KIN: variants seen among roughly 807,000 people sequenced by gnomAD.
KIN encodes the protein Kin17 DNA and RNA binding protein, also known as DNA/RNA-binding protein KIN17.
KIN carries 47 observed loss-of-function variants against 63.0 expected under a neutral mutation model. The observed-to-expected ratio is 0.75, with a 90% CI of 0.59 to 0.95. The LOEUF is 0.95. Ranked by LOEUF, KIN falls within the 40% of genes least tolerant of loss-of-function variation. The probability of loss-of-function intolerance (pLI) is 0.00; values close to 1 mark genes in which losing one functional copy is unlikely to be tolerated. For synonymous variants in KIN, 160 were observed against 157.7 expected (o/e 1.01, Z -0.11); for missense variants, 408 against 460.9 (o/e 0.89, Z 1.05).
At chr10:7,783,215 A>G in intron 1 of KIN, 40 bp from the exon 2 acceptor site, 2 of 1,142,634 alleles carry the variant, frequency 1.8e-6, no homozygotes, top group East Asian at 2.5e-5. Context: ...GATTTAGGTC[A>G]TCAAAATGGG....
intron 11 of KIN, among the ~76,000 whole-genome samples, chr10:7,761,996 G>C (rs1835444587): frequency 6.6e-6 from 1 of 151,948 alleles, no homozygotes; most frequent in Non-Finnish European, 1.5e-5. Flanking sequence ...GTGAAACTGT[G>C]TCTCAAAAAT....
intron 8 of KIN, among the ~76,000 whole-genome samples, chr10:7,768,528 CA>C (rs1417618777): frequency 2.9e-5 from 4 of 138,500 alleles, no homozygotes; most frequent in Non-Finnish European, 6.6e-5. Context: ...GTCTCAACAA[CA>C]AAAACAGCAA....
At chr10:7,775,661 T>C (rs929886022) in intron 6 of KIN, 90 bp downstream of exon 6, 5 of 637,896 alleles carry the variant, frequency 7.8e-6, no homozygotes, top group African/African-American at 7.4e-5. Context: ...CGATGTCTTA[T>C]TCTCAGATAT....
chr10:7,773,080 C>T (rs1163924853), intron 7 of KIN, among the ~76,000 whole-genome samples: 2 of 152,150 alleles, frequency 1.3e-5, no homozygotes, highest in Non-Finnish European at 2.9e-5. Context: ...TGAAGATGCT[C>T]GTCTTAAATA....
chr10:7,778,748 A>C (rs990895676), intron 5 of KIN, 90 bp downstream of exon 5: 1 of 1,382,984 alleles, frequency 7.2e-7, no homozygotes, highest in African/African-American at 1.5e-5. Context: ...CCAAAACAAC[A>C]ACAACAACAA....
chr10:7,751,917 C>G lies in KIN; in HGVS notation c.*4163G>C. On this transcript the variant is annotated 3_prime_UTR_variant, in exon 13 of 13. Coordinates refer to ENST00000379562, the MANE Select transcript of KIN (RefSeq NM_012311.4). ...GGGCGCGGTGGCGGGCGCCTGTAGT[C>G]CCAGCTACTCGGGAGGCTGAGGCAG... 2 of 1,902 alleles carry G rather than the reference C, an allele frequency of 1.1e-3. 1 individual carries two copies. The allele number at this position is 1,902 out of a possible 1,614,324, so 0.1% of individuals were successfully genotyped here. A position where few individuals can be genotyped will look rare whatever the true frequency, so the allele number is the denominator to read the frequency against.
intron 2 of KIN, among the ~76,000 whole-genome samples, chr10:7,780,561 A>G (rs1351340225): frequency 1.3e-5 from 2 of 151,812 alleles, no homozygotes; most frequent in Admixed American, 1.3e-4. Flanking sequence ...CGCCTGGCTA[A>G]TTTTGTTTCG....
chr10:7,776,298 T>G (rs1835770229), intron 5 of KIN, among the ~76,000 whole-genome samples: 1 of 149,306 alleles, frequency 6.7e-6, no homozygotes, highest in Middle Eastern at 3.5e-3. Flanking sequence ...CCTAGCACTT[T>G]GCGAGGCCAA....
rs1251675971 is a variant in KIN at position 7,755,881 on chromosome 10, A to C, written c.*199T>G. 5.1e-6 allele frequency: 2 copies of C among 390,486 alleles called. No individual in the cohort carries two copies. The highest frequency in any genetic ancestry group is 4.1e-5 in the African/African-American group (2 of 48,478). 24.2% of individuals were successfully genotyped at this position (390,486 alleles called of 1,614,324 possible). On this transcript the variant is annotated 3_prime_UTR_variant, in exon 13 of 13. Coordinates refer to ENST00000379562, the MANE Select transcript of KIN (RefSeq NM_012311.4). ...AAGGAAACAAAAATAACAAGGACAAAATTACATAGTTTGATACCTCATGAG... is the reference window on the plus strand; with the variant it reads ...AAGGAAACAAAAATAACAAGGACAACATTACATAGTTTGATACCTCATGAG...
intron 7 of KIN, 109 bp from the exon 8 acceptor site, chr10:7,769,454 G>T: frequency 9.0e-7 from 1 of 1,108,638 alleles, no homozygotes. Flanking sequence ...GTAATTTACA[G>T]GAGATTAGTG....
At chr10:7,775,301 T>C (rs774517479) in intron 6 of KIN, among the ~76,000 whole-genome samples, 1 of 152,298 alleles carries the variant, frequency 6.6e-6, no homozygotes, top group Non-Finnish European at 1.5e-5. Context: ...TGTGACACAG[T>C]TCTGGCCAAT....
Position 7,787,983 on chromosome 10 carries a change from G to A in KIN, c.-50C>T, listed in dbSNP as rs765224621. On this transcript the variant is annotated 5_prime_UTR_variant, in exon 1 of 13. Transcript: ENST00000379562. The stretch of plus-strand genomic sequence containing the variant: ...CTGGACCCCAGTACTCAGCCAGCCG[G>A]AAACGGAACCGGGCTGGCGGCGGTG... The A allele has an allele frequency of 6.8e-7, 1 of 1,467,600 alleles. No homozygotes were observed. Among genetic ancestry groups the A allele is most frequent in the Non-Finnish European group, 9.6e-7 (1 of 1,046,694 alleles). 90.9% of individuals were successfully genotyped at this position (1,467,600 alleles called of 1,614,324 possible). A position where few individuals can be genotyped will look rare whatever the true frequency, so the allele number is the denominator to read the frequency against.
rs1211499824 is a variant in KIN, at chr10:7,787,897, C to A, written c.37G>T (p.Ala13Ser). 3 of 1,614,136 alleles carry A rather than the reference C, an allele frequency of 1.9e-6. No individual in the cohort carries two copies. Among genetic ancestry groups the A allele is most frequent in the Non-Finnish European group, 2.5e-6 (3 of 1,179,952 alleles). The change falls in exon 1 of 13, where the codon GCC becomes TCC. Residue 13 changes from alanine (A) to serine (S), a missense_variant. By Grantham distance (99) the Ala-to-Ser change is moderately conservative. This residue lies in a region of KIN where 110 missense variants were observed against 164.9 expected (regional missense o/e 0.67). Transcript: ENST00000379562. ...KSDFLTPKAI[A>S]NRIKSKGLQK... ...AGCCCCTTGGACTTGATCCTGTTGGCGATAGCCTTGGGAGTAAGAAAATCC... is the reference window on the plus strand; with the variant it reads ...AGCCCCTTGGACTTGATCCTGTTGGAGATAGCCTTGGGAGTAAGAAAATCC...
At chr10:7,787,794 G>A in intron 1 of KIN, 26 bp downstream of exon 1, 1 of 1,549,950 alleles carries the variant, frequency 6.5e-7, no homozygotes. Context: ...CTCCTGGGAA[G>A]ACGGGGCCAC....
intron 2 of KIN, among the ~76,000 whole-genome samples, chr10:7,781,518 C>G (rs1030477961): frequency 6.7e-6 from 1 of 150,290 alleles, no homozygotes; most frequent in Non-Finnish European, 1.5e-5. Context: ...TTTGGGAGAT[C>G]GAGAGAGGAG....
rs1012443739 is a variant in KIN, at chr10:7,756,195, C to CA, written c.1120-54dup. The CA allele has an allele frequency of 1.6e-5, 17 of 1,086,836 alleles. No individual in the cohort carries two copies. The Admixed American group carries it at 1.6e-4, about 10-fold the overall frequency. The allele number at this position is 1,086,836 out of a possible 1,614,324, so 67.3% of individuals were successfully genotyped here. The stretch of plus-strand genomic sequence containing the variant: ...GTTAAAAACACATATTCCTAAAAGA[C>CA]AAAAAAATGACACCATACTTATGGA... On this transcript the variant is annotated intron_variant, in intron 12 of 12. Transcript: ENST00000379562.
chr10:7,781,922 G>A (rs535365378), intron 2 of KIN, among the ~76,000 whole-genome samples: 1 of 152,140 alleles, frequency 6.6e-6, no homozygotes, highest in Admixed American at 6.5e-5. Context: ...GCGGAGCGTG[G>A]TGGCGCATGC....
chr10:7,767,130 T>C lies in KIN; in HGVS notation c.799-1027A>G, dbSNP rs921747440. ...AAAGGTCGATTTGGCTTTCCATTTT[T>C]CTTTGAATAAAATTAAATTTTAAAA... On this transcript the variant is annotated intron_variant, in intron 8 of 12. Coordinates refer to ENST00000379562, the MANE Select transcript of KIN (RefSeq NM_012311.4). Among the ~76,000 whole-genome samples the C allele has an allele frequency of 1.4e-4, 21 of 152,344 alleles. No individual in the cohort carries two copies. The East Asian group carries it at 3.9e-3, about 28-fold the overall frequency.
intron 11 of KIN, among the ~76,000 whole-genome samples, chr10:7,760,985 T>C (rs1031572972): frequency 2.8e-4 from 43 of 152,328 alleles, no homozygotes; most frequent in Non-Finnish European, 5.1e-4. Context: ...TTTATATTTA[T>C]AGAAACTTAA....
Sources: gnomAD v4.1 joint callset for allele counts (sites outside exome capture counted in the v4.1 genomes callset) on GRCh38, gnomAD v4.1.1 for gene constraint, gnomAD v4.1.1 regional missense constraint, MANE v1.5 for transcripts, NCBI Gene and HGNC (gene_info 2026-07-23, HGNC 2026-07-21) for gene names.